TENM4: variants seen among roughly 807,000 people sequenced by gnomAD.
TENM4 encodes the protein teneurin transmembrane protein 4, also known as teneurin-4.
A neutral mutation model predicts 243.3 loss-of-function variants in TENM4; 82 were observed. That is an observed-to-expected ratio of 0.34 (90% CI 0.28 to 0.40). The LOEUF (loss-of-function observed/expected upper bound fraction) is 0.40, where lower values mean the gene tolerates loss of function less well. Among genes scored for constraint, TENM4 ranks in the 10% least tolerant of loss-of-function variants. The pLI, the probability that TENM4 is intolerant of heterozygous loss-of-function variation, is 1.00. For missense variants in TENM4, 3,138 were observed against 3,673.3 expected (o/e 0.85, Z 3.77); for synonymous variants, 1,412 against 1,456.3 (o/e 0.97, Z 0.69).
chr11:79,312,688 C>T (rs751109534), intron 1 of TENM4, among the ~76,000 whole-genome samples: 1 of 152,150 alleles, frequency 6.6e-6, no homozygotes, highest in African/African-American at 2.4e-5. Flanking sequence ...AAGAACCAGG[C>T]AGCTAGCAAG....
intron 3 of TENM4, among the ~76,000 whole-genome samples, chr11:79,150,116 C>T (rs962038402): frequency 5.3e-5 from 8 of 152,138 alleles, no homozygotes; most frequent in Non-Finnish European, 1.0e-4. Context: ...CTCTGCCCCT[C>T]ACTCCTCACT....
chr11:78,733,059 G>T (rs187644713), intron 20 of TENM4, among the ~76,000 whole-genome samples: 4 of 152,252 alleles, frequency 2.6e-5, no homozygotes, highest in Admixed American at 2.0e-4. Context: ...AAATGCAAAG[G>T]CTCAAATGGA....
chr11:79,311,651 G>A (rs1856723804), intron 1 of TENM4, among the ~76,000 whole-genome samples: 1 of 152,120 alleles, frequency 6.6e-6, no homozygotes, highest in African/African-American at 2.4e-5. Context: ...CCCAGCCCTT[G>A]AGCTTAACCT....
At chr11:79,318,225 G>A (rs1050199326) in intron 1 of TENM4, among the ~76,000 whole-genome samples, 21 of 151,006 alleles carry the variant, frequency 1.4e-4, no homozygotes, top group South Asian at 2.1e-4. Flanking sequence ...CCCACACTGT[G>A]AACAGGGGGG....
At chr11:78,935,997 T>C (rs1298830805) in intron 6 of TENM4, among the ~76,000 whole-genome samples, 3 of 152,198 alleles carry the variant, frequency 2.0e-5, no homozygotes, top group East Asian at 1.9e-4. Flanking sequence ...CGTGATTCCA[T>C]CTGTAAAATT....
chr11:79,182,910 A>C (rs1319925657), intron 3 of TENM4, among the ~76,000 whole-genome samples: 1 of 152,216 alleles, frequency 6.6e-6, no homozygotes. Flanking sequence ...CTGACATCAA[A>C]TGCTAGTGAG....
chr11:79,135,189 C>G (rs7109128), intron 4 of TENM4, among the ~76,000 whole-genome samples: 9,351 of 151,848 alleles, frequency 0.062, 362 homozygotes, highest in Non-Finnish European at 0.078. Flanking sequence ...GCTAAGGACA[C>G]GAACAGGCAA....
intron 6 of TENM4, among the ~76,000 whole-genome samples, chr11:79,004,977 T>C (rs955574486): frequency 5.6e-5 from 8 of 143,024 alleles, no homozygotes; most frequent in South Asian, 4.4e-4. Context: ...CTGACTACTA[T>C]GAATACCTCT....
At chr11:78,704,034 T>TACACACAC (rs375601895) in intron 27 of TENM4, among the ~76,000 whole-genome samples, 2 of 138,222 alleles carry the variant, frequency 1.4e-5, no homozygotes, top group Non-Finnish European at 3.1e-5. Flanking sequence ...CATATATATA[T>TACACACAC]ACACACACAC....
chr11:79,146,364 T>C (rs189866558), intron 4 of TENM4, among the ~76,000 whole-genome samples: 1 of 152,248 alleles, frequency 6.6e-6, no homozygotes, highest in African/African-American at 2.4e-5. Context: ...GAAAATACTT[T>C]GTCCTATACC....
At chr11:79,067,270 C>T (rs1490338562) in intron 5 of TENM4, among the ~76,000 whole-genome samples, 1 of 152,188 alleles carries the variant, frequency 6.6e-6, no homozygotes, top group African/African-American at 2.4e-5. Flanking sequence ...TTTTGCTCTC[C>T]TTCAAAGAAA....
intron 4 of TENM4, among the ~76,000 whole-genome samples, chr11:79,106,296 C>T (rs6592826): frequency 3.0e-4 from 45 of 152,254 alleles, no homozygotes; most frequent in African/African-American, 1.1e-3. Context: ...TGCTTTTATT[C>T]ATGGATCACA....
chr11:79,012,970 T>C (rs1456331701), intron 6 of TENM4, among the ~76,000 whole-genome samples: 1 of 152,038 alleles, frequency 6.6e-6, no homozygotes, highest in African/African-American at 2.4e-5. Context: ...AAGAGAGGAG[T>C]CCAGGTTTTT....
intron 6 of TENM4, among the ~76,000 whole-genome samples, chr11:79,043,413 G>T (rs6592816): frequency 0.083 from 12,564 of 152,100 alleles, 1,109 homozygotes; most frequent in African/African-American, 0.21. Context: ...AGCCAAAAAG[G>T]CTATTTGCTC....
intron 18 of TENM4, among the ~76,000 whole-genome samples, chr11:78,766,557 C>T (rs1856542643): frequency 6.6e-6 from 1 of 152,090 alleles, no homozygotes; most frequent in African/African-American, 2.4e-5. Flanking sequence ...GAGCCAGTGC[C>T]CAAGGTGAGA....
intron 1 of TENM4, among the ~76,000 whole-genome samples, chr11:79,311,255 GAC>G (rs1467767984): frequency 3.3e-5 from 5 of 152,238 alleles, no homozygotes; most frequent in African/African-American, 1.2e-4. Context: ...TGGAGTCAGA[GAC>G]AATGAAATCT....
At chr11:79,185,418 A>C (rs1863363930) in intron 3 of TENM4, among the ~76,000 whole-genome samples, 2 of 152,232 alleles carry the variant, frequency 1.3e-5, no homozygotes, top group South Asian at 4.1e-4. Flanking sequence ...TTAGTCCATG[A>C]CTTTGAAAAG....
intron 21 of TENM4, among the ~76,000 whole-genome samples, chr11:78,730,412 C>G (rs1160768673): frequency 6.6e-6 from 1 of 152,192 alleles, no homozygotes; most frequent in Non-Finnish European, 1.5e-5. Context: ...CACAGCCTGG[C>G]AGGACCTGTG....
rs372769324 is a variant in TENM4 at position 78,658,096 on chromosome 11, T to A, written c.8272A>T (p.Ile2758Phe). Residue 2758 changes from isoleucine to phenylalanine, a missense_variant, in exon 34 of 34, where the codon ATC (isoleucine) becomes TTC (phenylalanine). Coordinates refer to ENST00000278550, the MANE Select transcript of TENM4 (RefSeq NM_001098816.3). ...YPELSDSANNIHFMRQSEMGR... is the reference protein window; with the variant it reads ...YPELSDSANNFHFMRQSEMGR... ...ATCTCGCTCTGTCTCATGAAGTGGA[T>A]GTTGTTGGCGCTGTCTGACAGTTCT... 1.9e-6 allele frequency: 3 copies of A among 1,613,748 alleles called. No homozygotes were observed. The highest frequency in any genetic ancestry group is 2.5e-6 in the Non-Finnish European group (3 of 1,179,830).
Sources: gnomAD v4.1 joint callset for allele counts (sites outside exome capture counted in the v4.1 genomes callset) on GRCh38, gnomAD v4.1.1 for gene constraint, MANE v1.5 for transcripts, NCBI Gene and HGNC (gene_info 2026-07-23, HGNC 2026-07-21) for gene names.